Variants in ZNF528 observed in about 807,000 individuals in gnomAD.
ZNF528 encodes the protein zinc finger protein 528.
ZNF528 carries 9 observed loss-of-function variants against 13.3 expected under a neutral mutation model. That is an observed-to-expected ratio of 0.67 (90% CI 0.41 to 1.18). The LOEUF (loss-of-function observed/expected upper bound fraction) is 1.18. ZNF528 is among the 50% of genes most tolerant of loss of function. The probability of loss-of-function intolerance (pLI) is 0.01; values close to 1 mark genes in which losing one functional copy is unlikely to be tolerated. For missense variants in ZNF528, 858 were observed against 745.4 expected, an observed-to-expected ratio of 1.15 and a Z score of -1.76; for synonymous variants, 264 against 254.3, an observed-to-expected ratio of 1.04 and a Z score of -0.36.
At chr19:52,409,569 C>CA (rs2058903439) in intron 6 of ZNF528, among the ~76,000 whole-genome samples, 1 of 152,184 alleles carries the variant, frequency 6.6e-6, no homozygotes, top group South Asian at 2.1e-4. Flanking sequence ...GTAAAGTAAT[C>CA]AGAGGGCTGC....
chr19:52,414,818 G>A, intron 6 of ZNF528: 1 of 669,376 alleles, frequency 1.5e-6, no homozygotes, highest in Admixed American at 2.4e-5. Flanking sequence ...AGCTCTTCTT[G>A]GATTTCTGAT....
chr19:52,399,947 G>A (rs763838822), intron 2 of ZNF528, among the ~76,000 whole-genome samples: 3 of 152,158 alleles, frequency 2.0e-5, no homozygotes, highest in Non-Finnish European at 4.4e-5. Flanking sequence ...CTTTGGGTGT[G>A]AGAGTAGTAA....
intron 6 of ZNF528, chr19:52,411,309 T>C (rs1436820163): frequency 6.6e-6 from 1 of 152,214 alleles, no homozygotes; most frequent in Non-Finnish European, 1.5e-5. Context: ...TTGAGGCTTA[T>C]GCTTCTCGTG....
In ZNF528 at chr19:52,416,362, C is replaced by T. The variant is rs368665576; in HGVS notation, c.1510C>T (p.Arg504Cys). ...TAACAGATGTGGCAAGGTCTTCAGT[C>T]GCAGTTCAAACCTGGTATGCCATCA... Reference protein sequence around the residue: ...KCNRCGKVFSRSSNLVCHQKI... With the variant: ...KCNRCGKVFSCSSNLVCHQKI... The change falls in exon 7 of 7, where the codon CGC (arginine) becomes TGC (cysteine). Residue 504 changes from arginine to cysteine, a missense_variant. By Grantham distance (180) the Arg-to-Cys change is radical. Transcript: ENST00000360465. 88 of 1,613,800 alleles carry T rather than the reference C, an allele frequency of 5.5e-5. No homozygotes were observed. In the African/African-American group the frequency reaches 6.3e-4, roughly 12 times the overall value.
intron 4 of ZNF528, among the ~76,000 whole-genome samples, chr19:52,402,275 C>T (rs545314081): frequency 3.9e-5 from 6 of 152,162 alleles, no homozygotes; most frequent in East Asian, 3.9e-4. Context: ...TGGATGGAGA[C>T]GGGGTGTGGG....
rs548448761 is a variant in ZNF528 at position 52,414,927 on chromosome 19, C to T, written c.272-197C>T. The T allele has an allele frequency of 3.9e-5, 59 of 1,514,214 alleles. No individual in the cohort carries two copies. The East Asian group carries it at 7.4e-4, about 19-fold the overall frequency. The allele number at this position is 1,514,214 out of a possible 1,614,324, so 93.8% of individuals were successfully genotyped here. On this transcript the variant is annotated intron_variant, in intron 6 of 6. Transcript: ENST00000360465. ...GTTTCAGATTTACCCATAATTCTCT[C>T]GACTCCTGCAGATTCCCCACTGCTC...
rs2059013339 is a variant in ZNF528 at position 52,417,024 on chromosome 19, T to C, written c.*285T>C. 2.5e-6 allele frequency: 1 copy of C among 396,232 alleles called. No individual in the cohort carries two copies. The highest frequency in any genetic ancestry group is 4.1e-5 in the South Asian group (1 of 24,350). 24.5% of individuals were successfully genotyped at this position (396,232 alleles called of 1,614,324 possible). On this transcript the variant is annotated 3_prime_UTR_variant, in exon 7 of 7. Coordinates refer to ENST00000360465, the MANE Select transcript of ZNF528 (RefSeq NM_032423.3). ...GGTTCTCTGATACTAATCTATGATA[T>C]TGCATGATGCAGAATAATGCTAAGT... is the stretch of plus-strand genomic sequence containing the variant.
Position 52,415,996 on chromosome 19 carries a change from A to T in ZNF528, c.1144A>T (p.Lys382Ter). The T allele has an allele frequency of 6.2e-7, 1 of 1,614,144 alleles. No individual in the cohort carries two copies. The highest frequency in any genetic ancestry group is 8.5e-7 in the Non-Finnish European group (1 of 1,180,022). Residue 382 changes from lysine to a stop codon, truncating the protein, a stop_gained, in exon 7 of 7, where the codon AAA (lysine) becomes TAA (stop). Transcript: ENST00000360465. LOFTEE classifies it low-confidence loss of function (END_TRUNC). ...QLIHTGRKPY[K>*]CKECDKVFGR... ...AATTCACACTGGAAGGAAACCTTAC[A>T]AATGTAAAGAATGTGACAAGGTCTT...
intron 6 of ZNF528, chr19:52,412,783 T>C (rs998001649): frequency 6.6e-6 from 1 of 152,142 alleles, no homozygotes; most frequent in African/African-American, 2.4e-5. Flanking sequence ...AAATGTCTGG[T>C]TTTACCGCAA....
Position 52,416,467 on chromosome 19 carries a change from C to A in ZNF528, c.1615C>A (p.His539Asn). 1.2e-6 allele frequency: 2 copies of A among 1,614,162 alleles called. No homozygotes were observed. Among genetic ancestry groups the A allele is most frequent in the Non-Finnish European group, 1.7e-6 (2 of 1,180,038 alleles). ...TAATCAAGCATCATACCTTACAAGA[C>A]ATCAAATAATTCATACTGGAGAGAG... ...VFNQASYLTRHQIIHTGERPY... is the reference protein window; with the variant it reads ...VFNQASYLTRNQIIHTGERPY... The change falls in exon 7 of 7, where the codon CAT becomes AAT. Residue 539 changes from histidine (H) to asparagine (N), a missense_variant. Coordinates refer to ENST00000360465, the MANE Select transcript of ZNF528 (RefSeq NM_032423.3).
In ZNF528 at chr19:52,405,909, AC is replaced by A. The variant is rs762380642; in HGVS notation, c.21del (p.Leu8Ter). 5 of 1,609,864 alleles carry A rather than the reference AC, an allele frequency of 3.1e-6. No individual in the cohort carries two copies. The highest frequency in any genetic ancestry group is 4.2e-6 in the Non-Finnish European group (5 of 1,177,232). Reference protein sequence around the residue: MALTQGPLKFMDVAIEF... With the variant: MALTQGXLKFMDVAIEF... Reference sequence around the variant, plus strand: ...CTGAAATGTGGATTTTCTTTCAGGGACCCTTGAAATTCATGGATGTGGCCAT... The same window carrying A: ...CTGAAATGTGGATTTTCTTTCAGGGACCTTGAAATTCATGGATGTGGCCAT... On this transcript the variant is annotated frameshift_variant, in exon 5 of 7. Coordinates refer to ENST00000360465, the MANE Select transcript of ZNF528 (RefSeq NM_032423.3). LOFTEE classifies it high-confidence loss of function.
intron 6 of ZNF528, chr19:52,413,607 C>T (rs537039353): frequency 6.6e-6 from 1 of 152,442 alleles, no homozygotes; most frequent in African/African-American, 2.4e-5. Flanking sequence ...GTGTAACATT[C>T]TTTGTACTGG....
intron 2 of ZNF528, among the ~76,000 whole-genome samples, chr19:52,400,827 A>C (rs2058785409): frequency 6.6e-6 from 1 of 152,136 alleles, no homozygotes; most frequent in Admixed American, 6.5e-5. Flanking sequence ...ACCCTGCTTA[A>C]ATCTGACTTT....
rs1049755208 is a variant in ZNF528 at position 52,415,727 on chromosome 19, C to T, written c.875C>T (p.Thr292Ile). The T allele has an allele frequency of 6.2e-7, 1 of 1,614,126 alleles. No individual in the cohort carries two copies. Among genetic ancestry groups the T allele is most frequent in the South Asian group, 1.1e-5 (1 of 91,084 alleles). The change falls in exon 7 of 7, where the codon ACT becomes ATT. Residue 292 changes from threonine to isoleucine, a missense_variant. Physicochemically the swap from Thr to Ile is moderately conservative, Grantham distance 89. Coordinates refer to ENST00000360465, the MANE Select transcript of ZNF528 (RefSeq NM_032423.3). ...CTTGCACAACATCAAAGAATTCATACTGGAGAGAAGCCTTACAAATGTCAT... is the reference window on the plus strand; with the variant it reads ...CTTGCACAACATCAAAGAATTCATATTGGAGAGAAGCCTTACAAATGTCAT... Reference protein sequence around the residue: ...SKLAQHQRIHTGEKPYKCHEC... With the variant: ...SKLAQHQRIHIGEKPYKCHEC...
In ZNF528 at chr19:52,415,432, G is replaced by T; in HGVS notation, c.580G>T (p.Val194Phe). 6.2e-7 allele frequency: 1 copy of T among 1,614,194 alleles called. No individual in the cohort carries two copies. The highest frequency in any genetic ancestry group is 8.5e-7 in the Non-Finnish European group (1 of 1,180,042). ...KAYKCNEHGQ[V>F]FRASASLTNQ... ...TTATAAATGTAATGAGCACGGCCAA[G>T]TCTTTAGAGCATCTGCAAGCCTTAC... The change falls in exon 7 of 7, where the codon GTC (valine) becomes TTC (phenylalanine). Residue 194 changes from valine (V) to phenylalanine (F), a missense_variant. By Grantham distance (50) the Val-to-Phe change is conservative. Coordinates refer to ENST00000360465, the MANE Select transcript of ZNF528 (RefSeq NM_032423.3).
chr19:52,406,828 T>G (rs2058862653), intron 6 of ZNF528, 185 bp downstream of exon 6: 4 of 691,266 alleles, frequency 5.8e-6, no homozygotes, highest in Non-Finnish European at 8.5e-6. Flanking sequence ...TGAGCCACTG[T>G]ACCCTGCAAA....
At chr19:52,398,027 TC>T (rs1332756299) in intron 1 of ZNF528, 123 bp downstream of exon 1, 2 of 152,166 alleles carry the variant, frequency 1.3e-5, no homozygotes, top group African/African-American at 4.8e-5. Context: ...CCGAGTAAAT[TC>T]AGACATCCTT....
Sources: allele counts gnomAD v4.1 joint callset (sites outside exome capture counted in the v4.1 genomes callset), GRCh38; gene constraint gnomAD v4.1.1; transcripts MANE v1.5; gene names NCBI Gene and HGNC (gene_info 2026-07-23, HGNC 2026-07-21).